Variants in FSTL4 observed in about 807,000 individuals in gnomAD.
The protein encoded by FSTL4 is follistatin like 4.
A neutral mutation model predicts 78.2 loss-of-function variants in FSTL4; 28 were observed. The observed-to-expected ratio is 0.36, with a 90% confidence interval of 0.27 to 0.49. The LOEUF (loss-of-function observed/expected upper bound fraction) is 0.49. Ranked by LOEUF, FSTL4 falls within the 20% of genes least tolerant of loss-of-function variation. The pLI, the probability that FSTL4 is intolerant of heterozygous loss-of-function variation, is 0.98. For synonymous variants in FSTL4, 422 were observed against 440.5 expected (o/e 0.96, Z 0.53); for missense variants, 922 against 1,084.9 (o/e 0.85, Z 2.11).
chr5:133,337,242 G>A (rs1407870402), intron 4 of FSTL4, among the ~76,000 whole-genome samples: 1 of 152,222 alleles, frequency 6.6e-6, no homozygotes, highest in Non-Finnish European at 1.5e-5. Context: ...GGGACATCAT[G>A]ATTGCATTCT....
chr5:133,626,503 C>T, the FSTL4 span, among the ~76,000 whole-genome samples: 1 of 150,222 alleles, frequency 6.7e-6, no homozygotes, highest in Non-Finnish European at 1.5e-5. Context: ...GCACTTGGCC[C>T]TCTTTTCTAA....
intron 4 of FSTL4, among the ~76,000 whole-genome samples, chr5:133,372,546 T>A (rs29553): frequency 1 from 151,687 of 152,318 alleles, 75,533 homozygotes; most frequent in East Asian, 1. Context: ...CTGCAAAGGA[T>A]CTTTTAAAGG....
At chr5:133,616,794 C>A (rs542287444), upstream of FSTL4, among the ~76,000 whole-genome samples, 14 of 152,282 alleles carry the variant, frequency 9.2e-5, no homozygotes, top group African/African-American at 2.2e-4. Context: ...AACTATCCAA[C>A]CTTCAGGGGT....
chr5:133,308,177 C>T (rs1043962525), intron 6 of FSTL4, among the ~76,000 whole-genome samples: 13 of 152,192 alleles, frequency 8.5e-5, no homozygotes, highest in Non-Finnish European at 1.6e-4. Flanking sequence ...ATCAGTTCTT[C>T]GGCCACTTTA....
chr5:133,492,625 T>A (rs966226994), intron 3 of FSTL4, among the ~76,000 whole-genome samples: 2 of 152,222 alleles, frequency 1.3e-5, no homozygotes, highest in Admixed American at 1.3e-4. Flanking sequence ...TCACTTTTTA[T>A]CTTTGGTATT....
chr5:133,780,444 C>T, the FSTL4 span, among the ~76,000 whole-genome samples: 1 of 137,220 alleles, frequency 7.3e-6, no homozygotes, highest in African/African-American at 2.7e-5. Context: ...CAGTTATCTT[C>T]ATGGCCCAAA....
At chr5:133,226,728 G>A (rs1276563936) in intron 8 of FSTL4, among the ~76,000 whole-genome samples, 3 of 152,206 alleles carry the variant, frequency 2.0e-5, no homozygotes, top group Non-Finnish European at 2.9e-5. Context: ...GATTCTTCTT[G>A]AAGTGGACAG....
chr5:133,472,587 G>C (rs1349246896), intron 3 of FSTL4, among the ~76,000 whole-genome samples: 2 of 152,358 alleles, frequency 1.3e-5, no homozygotes, highest in East Asian at 3.9e-4. Context: ...TACCAGAAAA[G>C]AGTCTTCACT....
At chr5:133,277,984 C>T (rs769096298) in intron 6 of FSTL4, among the ~76,000 whole-genome samples, 19 of 152,138 alleles carry the variant, frequency 1.2e-4, no homozygotes, top group Non-Finnish European at 2.2e-4. Context: ...AGCTCAGTCC[C>T]GTGGCCTGGA....
chr5:133,673,292 G>A, the FSTL4 span, among the ~76,000 whole-genome samples: 2 of 152,188 alleles, frequency 1.3e-5, no homozygotes, highest in Non-Finnish European at 2.9e-5. Context: ...TGTGAGTACA[G>A]GTGTGGCACC....
At chr5:133,648,569 C>T in the FSTL4 span, among the ~76,000 whole-genome samples, 2 of 152,140 alleles carry the variant, frequency 1.3e-5, no homozygotes, top group Non-Finnish European at 2.9e-5. Flanking sequence ...AATTCTAAGC[C>T]TGGGAAGAAG....
chr5:133,225,273 C>G lies in FSTL4; in HGVS notation c.1189G>C (p.Glu397Gln), dbSNP rs551486579. 18 of 1,614,194 alleles carry G rather than the reference C, an allele frequency of 1.1e-5. No individual in the cohort carries two copies. The South Asian group carries it at 1.5e-4, about 14-fold the overall frequency. Reference sequence around the variant, plus strand: ...TACCGAACACTGCTGATGTGGAGTTCGCTCCCATTGGCTGCAGACAGGACA... The same window carrying G: ...TACCGAACACTGCTGATGTGGAGTTGGCTCCCATTGGCTGCAGACAGGACA... ...KQLSLLANGS[E>Q]LHISSVRYED... The change falls in exon 10 of 16, where the codon GAA becomes CAA. Residue 397 changes from glutamate (E) to glutamine (Q), a missense_variant. By Grantham distance (29) the Glu-to-Gln change is conservative. Coordinates refer to ENST00000265342, the MANE Select transcript of FSTL4 (RefSeq NM_015082.2). This position sits in a 1 kb window ranked among gnomAD's most constrained non-coding sequence, Gnocchi z 4.6.
chr5:133,285,382 T>C (rs544760948), intron 6 of FSTL4, among the ~76,000 whole-genome samples: 2 of 152,216 alleles, frequency 1.3e-5, no homozygotes, highest in South Asian at 4.1e-4. Context: ...TCAAGTGAGG[T>C]TCAGTCAGGT....
At chr5:133,347,374 A>T (rs1244225742) in intron 4 of FSTL4, among the ~76,000 whole-genome samples, 1 of 152,116 alleles carries the variant, frequency 6.6e-6, no homozygotes, top group Non-Finnish European at 1.5e-5. Flanking sequence ...TTTTTGATAC[A>T]GAGTCTCTGT....
chr5:133,227,987 G>A (rs1021588324), intron 8 of FSTL4, among the ~76,000 whole-genome samples: 1 of 152,220 alleles, frequency 6.6e-6, no homozygotes, highest in African/African-American at 2.4e-5. Context: ...AGCACTTTGG[G>A]AGGCCGAGGT....
intron 3 of FSTL4, among the ~76,000 whole-genome samples, chr5:133,410,588 T>C (rs1756458947): frequency 6.6e-6 from 1 of 152,296 alleles, no homozygotes; most frequent in Non-Finnish European, 1.5e-5. Context: ...CCAGCACAGA[T>C]GGGGAGCTAA....
Position 133,372,474 on chromosome 5 carries a change from C to T in FSTL4, c.409+28264G>A, listed in dbSNP as rs781775666. ...GGTCATGGCCCAAGGCTCCTAGTCG[C>T]CAACCTTCCAGGCCTTTCCACAACG... On this transcript the variant is annotated intron_variant, in intron 4 of 15. Coordinates refer to ENST00000265342, the MANE Select transcript of FSTL4 (RefSeq NM_015082.2). Among the ~76,000 whole-genome samples the T allele has an allele frequency of 3.8e-4, 58 of 152,106 alleles. 1 individual carries two copies. The highest frequency in any genetic ancestry group is 7.2e-4 in the Non-Finnish European group (49 of 68,012).
intron 3 of FSTL4, among the ~76,000 whole-genome samples, chr5:133,519,231 A>G (rs1338403479): frequency 6.6e-6 from 1 of 152,204 alleles, no homozygotes; most frequent in Non-Finnish European, 1.5e-5. Flanking sequence ...TGACTGTTGT[A>G]AAAACACACA....
chr5:133,250,063 C>G (rs1752172609), intron 6 of FSTL4, among the ~76,000 whole-genome samples: 1 of 152,256 alleles, frequency 6.6e-6, no homozygotes, highest in Non-Finnish European at 1.5e-5. Context: ...GGGGAATGAA[C>G]TGGCTGATCT....
Sources: allele counts gnomAD v4.1 joint callset (sites outside exome capture counted in the v4.1 genomes callset), GRCh38; gene constraint gnomAD v4.1.1; non-coding constraint Gnocchi (gnomAD v3.1); transcripts MANE v1.5; gene names NCBI Gene and HGNC (gene_info 2026-07-23, HGNC 2026-07-21).